KCNIP4: variants seen among roughly 807,000 people sequenced by gnomAD.
The protein encoded by KCNIP4 is Kv channel-interacting protein 4.
Under a neutral mutation model 34.0 loss-of-function variants are expected in KCNIP4, and 12 were observed. The observed-to-expected ratio is 0.35, with a 90% CI of 0.23 to 0.57. The LOEUF is 0.57. KCNIP4 is among the 20% of genes least tolerant of loss of function. The pLI is 0.83. For missense variants in KCNIP4, 238 were observed against 311.7 expected, an observed-to-expected ratio of 0.76 and a Z score of 1.78; for synonymous variants, 124 against 102.2, an observed-to-expected ratio of 1.21 and a Z score of -1.29.
intron 1 of KCNIP4, among the ~76,000 whole-genome samples, chr4:21,033,884 T>A (rs1024575728): frequency 5.9e-5 from 9 of 152,300 alleles, no homozygotes; most frequent in Admixed American, 5.9e-4. Flanking sequence ...GTGGAAGATA[T>A]TGACTTGTAC....
At chr4:21,535,465 A>C (rs1269773806) in intron 1 of KCNIP4, among the ~76,000 whole-genome samples, 1 of 152,116 alleles carries the variant, frequency 6.6e-6, no homozygotes, top group Non-Finnish European at 1.5e-5. Context: ...AAAGGTGCTA[A>C]ACTCTACTGA....
chr4:20,962,984 A>C (rs1359634048), intron 1 of KCNIP4, among the ~76,000 whole-genome samples: 1 of 152,132 alleles, frequency 6.6e-6, no homozygotes, highest in Non-Finnish European at 1.5e-5. Context: ...AATGGGGATA[A>C]AAAATTTTTT....
At chr4:21,317,464 T>C (rs1204412633) in intron 1 of KCNIP4, among the ~76,000 whole-genome samples, 2 of 152,138 alleles carry the variant, frequency 1.3e-5, no homozygotes, top group African/African-American at 4.8e-5. Flanking sequence ...TCTATTTAAA[T>C]AAACTAAGGA....
intron 2 of KCNIP4, among the ~76,000 whole-genome samples, chr4:20,863,047 T>C (rs539938017): frequency 2.0e-4 from 31 of 152,144 alleles, no homozygotes; most frequent in African/African-American, 6.5e-4. Flanking sequence ...GTGCAGTGGG[T>C]TCACCTTACC....
At chr4:20,906,634 C>T (rs1727800307) in intron 1 of KCNIP4, among the ~76,000 whole-genome samples, 1 of 152,182 alleles carries the variant, frequency 6.6e-6, no homozygotes, top group Non-Finnish European at 1.5e-5. Context: ...TCAAATGTCC[C>T]TATCCTGGAA....
chr4:20,958,791 T>A (rs561026954), intron 1 of KCNIP4, among the ~76,000 whole-genome samples: 1 of 152,346 alleles, frequency 6.6e-6, no homozygotes, highest in East Asian at 1.9e-4. Context: ...AAGCTTTGTA[T>A]CTCTGACATC....
At chr4:21,409,782 GGAACTGA>G (rs1185888616) in intron 1 of KCNIP4, among the ~76,000 whole-genome samples, 1 of 152,152 alleles carries the variant, frequency 6.6e-6, no homozygotes, top group Non-Finnish European at 1.5e-5. Flanking sequence ...ATGAGTGATG[GGAACTGA>G]GGGGACCATG....
At chr4:21,779,600 A>G (rs1719442516) in intron 1 of KCNIP4, among the ~76,000 whole-genome samples, 1 of 152,146 alleles carries the variant, frequency 6.6e-6, no homozygotes, top group African/African-American at 2.4e-5. Context: ...CAGGAGAGGA[A>G]AAATAAGAAT....
intron 1 of KCNIP4, among the ~76,000 whole-genome samples, chr4:21,620,474 A>G (rs919403188): frequency 7.9e-5 from 12 of 152,182 alleles, no homozygotes; most frequent in South Asian, 4.1e-4. Flanking sequence ...TCTGGGTAAT[A>G]GAGCAAGATG....
intron 1 of KCNIP4, among the ~76,000 whole-genome samples, chr4:21,753,015 G>T (rs1717258423): frequency 6.6e-6 from 1 of 151,982 alleles, no homozygotes; most frequent in Admixed American, 6.6e-5. Flanking sequence ...TTTTTTCCAA[G>T]CATTGTGCCT....
At chr4:20,765,632 G>A (rs898952509) in intron 3 of KCNIP4, among the ~76,000 whole-genome samples, 1 of 152,168 alleles carries the variant, frequency 6.6e-6, no homozygotes, top group African/African-American at 2.4e-5. Flanking sequence ...CCAGTCAAAT[G>A]AACTGCTCCA....
intron 1 of KCNIP4, among the ~76,000 whole-genome samples, chr4:21,245,308 G>A (rs933093278): frequency 4.6e-5 from 7 of 152,228 alleles, no homozygotes; most frequent in Admixed American, 1.3e-4. Context: ...TGCCTTGGCC[G>A]CATCACATTC....
chr4:21,007,199 T>G (rs1183194447), intron 1 of KCNIP4, among the ~76,000 whole-genome samples: 1 of 152,204 alleles, frequency 6.6e-6, no homozygotes, highest in Non-Finnish European at 1.5e-5. Flanking sequence ...GTGAATGTAA[T>G]AGTCATCCAG....
At chr4:20,782,099 T>A (rs950675497) in intron 3 of KCNIP4, among the ~76,000 whole-genome samples, 1 of 152,190 alleles carries the variant, frequency 6.6e-6, no homozygotes, top group Non-Finnish European at 1.5e-5. Flanking sequence ...GATGTCCTTT[T>A]ATTCCAGGTG....
At chr4:21,318,572 G>A (rs994602552) in intron 1 of KCNIP4, among the ~76,000 whole-genome samples, 1 of 152,054 alleles carries the variant, frequency 6.6e-6, no homozygotes, top group Non-Finnish European at 1.5e-5. Flanking sequence ...GTTATGCATT[G>A]TGTATATAAG....
chr4:21,931,611 T>A (rs999161339), intron 1 of KCNIP4, among the ~76,000 whole-genome samples: 1 of 152,064 alleles, frequency 6.6e-6, no homozygotes, highest in Non-Finnish European at 1.5e-5. Context: ...TCATTTTTTA[T>A]GGCTGCATAG....
At chr4:21,632,890 C>A (rs1372664491) in intron 1 of KCNIP4, among the ~76,000 whole-genome samples, 1 of 152,162 alleles carries the variant, frequency 6.6e-6, no homozygotes, top group African/African-American at 2.4e-5. Context: ...ACTATTCCAT[C>A]CCTCTGGATG....
intron 3 of KCNIP4, among the ~76,000 whole-genome samples, chr4:20,785,741 G>T (rs951493503): frequency 6.6e-6 from 1 of 151,828 alleles, no homozygotes; most frequent in Non-Finnish European, 1.5e-5. Context: ...TTTTAAAACT[G>T]GTTAACCATA....
intron 1 of KCNIP4, among the ~76,000 whole-genome samples, chr4:21,713,954 A>G (rs557127048): frequency 9.5e-4 from 144 of 152,326 alleles, no homozygotes; most frequent in Non-Finnish European, 1.9e-3. Flanking sequence ...ATATGTATGC[A>G]TTTTCTGACA....
Sources: gnomAD v4.1 joint callset for allele counts (sites outside exome capture counted in the v4.1 genomes callset) on GRCh38, gnomAD v4.1.1 for gene constraint, MANE v1.5 for transcripts, NCBI Gene and HGNC (gene_info 2026-07-23, HGNC 2026-07-21) for gene names.